The following MAPKBP1 variants were observed in gnomAD, a reference collection of about 807,000 sequenced individuals.
The protein encoded by MAPKBP1 is mitogen-activated protein kinase binding protein 1.
In MAPKBP1, 71 loss-of-function variants were observed where a neutral mutation model predicts 170.5. The observed-to-expected ratio is 0.42, with a 90% CI of 0.34 to 0.51. MAPKBP1 has a LOEUF of 0.51. Ranked by LOEUF, MAPKBP1 falls within the 20% of genes least tolerant of loss-of-function variation. MAPKBP1 has a pLI of 0.06. For synonymous variants in MAPKBP1, 719 were observed against 757.9 expected (o/e 0.95, Z 0.84); for missense variants, 1,598 against 1,933.0 (o/e 0.83, Z 3.25).
chr15:41,816,718 G>A (rs1596091926), intron 13 of MAPKBP1, 68 bp downstream of exon 13: 1 of 1,506,264 alleles, frequency 6.6e-7, no homozygotes, highest in Non-Finnish European at 9.2e-7. Flanking sequence ...ATCTGTCCCG[G>A]CTCTTGGACG....
intron 2 of MAPKBP1, among the ~76,000 whole-genome samples, chr15:41,783,358 G>T (rs2064223290): frequency 6.6e-6 from 1 of 152,184 alleles, no homozygotes; most frequent in Admixed American, 6.5e-5. Flanking sequence ...GGGAAAAAAT[G>T]GACTTAAAAT....
chr15:41,779,986 C>G (rs1459067970), intron 2 of MAPKBP1, among the ~76,000 whole-genome samples: 1 of 152,184 alleles, frequency 6.6e-6, no homozygotes, highest in Non-Finnish European at 1.5e-5. Flanking sequence ...CTGCCCTCAG[C>G]CTTCAAAGTG....
rs2064634648 is a variant in MAPKBP1 at position 41,803,431 on chromosome 15, A to AG, written c.206+3517_206+3518insG. 1.3e-5 allele frequency among the ~76,000 whole-genome samples: 2 copies of AG among 149,394 alleles called. 1 individual carries two copies. Among genetic ancestry groups the AG allele is most frequent in the Non-Finnish European group, 3.0e-5 (2 of 67,530 alleles). On this transcript the variant is annotated intron_variant, in intron 3 of 30. Coordinates refer to ENST00000457542, the MANE Select transcript of MAPKBP1 (RefSeq NM_014994.3). ...TCCATCTCAAAAAAAAAAAAAAAAA[A>AG]AAAAGGTTAAGCAGGCAGGGTGCAG...
chr15:41,823,764 G>T lies in MAPKBP1; in HGVS notation c.3916G>T (p.Ala1306Ser), dbSNP rs755874987. The change falls in exon 29 of 31, where the codon GCA becomes TCA. Residue 1306 changes from alanine (A) to serine (S), a missense_variant. By Grantham distance (99) the Ala-to-Ser change is moderately conservative. Around this residue, in one of 6 missense-constraint regions of MAPKBP1, gnomAD observed 942 missense variants for 953.2 expected, o/e 0.99. Coordinates refer to ENST00000457542, the MANE Select transcript of MAPKBP1 (RefSeq NM_014994.3). ...ACTGCCTGACCGTCCTACCCTGGCT[G>T]CATTCTCTCCTGTCACCAAAGGCCG... The part of the protein sequence containing the change: ...KPLPDRPTLA[A>S]FSPVTKGRAP... The T allele has an allele frequency of 6.2e-7, 1 of 1,614,124 alleles. No homozygotes were observed. The highest frequency in any genetic ancestry group is 1.1e-5 in the South Asian group (1 of 91,070).
At chr15:41,816,448 C>G in intron 12 of MAPKBP1, 111 bp from the exon 13 acceptor site, 1 of 702,018 alleles carries the variant, frequency 1.4e-6, no homozygotes. Flanking sequence ...TTTCTCTAAG[C>G]CTAAAAGTTC....
rs1339621455 is a variant in MAPKBP1, at chr15:41,823,677, TC to T, written c.3830del (p.Ser1277TyrfsTer52). 6.2e-7 allele frequency: 1 copy of T among 1,613,986 alleles called. No homozygotes were observed. The highest frequency in any genetic ancestry group is 8.5e-7 in the Non-Finnish European group (1 of 1,180,024). On this transcript the variant is annotated frameshift_variant, in exon 29 of 31. Transcript: ENST00000457542. LOFTEE classifies it high-confidence loss of function. ...TCAAGCTCATGCCCCCATCCGAGTC[TC>T]ACCACTCAGCAAGCTGGCCCTGCCC... ...EPQAHAPIRV[S>X]PLSKLALPSR... is the part of the protein sequence containing the mutation.
intron 2 of MAPKBP1, among the ~76,000 whole-genome samples, chr15:41,780,131 T>G (rs2064160577): frequency 6.6e-6 from 1 of 152,194 alleles, no homozygotes; most frequent in African/African-American, 2.4e-5. Flanking sequence ...CCTCACTCAT[T>G]TCAAAGTGGA....
chr15:41,813,183 G>T (rs1567149091), intron 8 of MAPKBP1, 82 bp downstream of exon 8: 1 of 1,550,296 alleles, frequency 6.5e-7, no homozygotes. Context: ...TCAGACTAGG[G>T]GCTGGTCCCT....
intron 13 of MAPKBP1, 74 bp from the exon 14 acceptor site, chr15:41,816,836 T>C: frequency 1.9e-6 from 3 of 1,547,704 alleles, no homozygotes; most frequent in Admixed American, 1.8e-5. Flanking sequence ...CTCAGTTCCC[T>C]TGGGGCTCTT....
At chr15:41,801,319 A>G (rs1420686532) in intron 3 of MAPKBP1, among the ~76,000 whole-genome samples, 3 of 152,188 alleles carry the variant, frequency 2.0e-5, no homozygotes, top group African/African-American at 7.2e-5. Flanking sequence ...ACCTCCAACC[A>G]TAGTTTCTTC....
intron 7 of MAPKBP1, 90 bp downstream of exon 7, chr15:41,812,743 C>G (rs1358299199): frequency 1.3e-6 from 2 of 1,495,092 alleles, no homozygotes; most frequent in East Asian, 4.6e-5. Flanking sequence ...TTGGGCCTCT[C>G]TCTGCATTCC....
At position 41,799,923 on chromosome 15, in the gene MAPKBP1, G is replaced by A. The variant is rs546861374; in HGVS notation, c.206+9G>A. The A allele has an allele frequency of 3.1e-6, 5 of 1,613,352 alleles. No individual in the cohort carries two copies. In the South Asian group the frequency reaches 4.4e-5, roughly 14 times the overall value. ...GTTGCTTACCCAGCAGGGTAAGTAA[G>A]CGCCTTGGAAGAGATCTTGATGCAT... On this transcript the variant is annotated intron_variant, in intron 3 of 30. Transcript: ENST00000457542.
chr15:41,816,714 C>A, intron 13 of MAPKBP1, 64 bp downstream of exon 13: 1 of 1,517,268 alleles, frequency 6.6e-7, no homozygotes, highest in Non-Finnish European at 9.1e-7. Flanking sequence ...TTATATCTGT[C>A]CCGGCTCTTG....
In MAPKBP1 at chr15:41,814,561, C is replaced by T. The variant is rs769444197; in HGVS notation, c.992C>T (p.Ser331Phe). ...TCCTCTCCCTACAGTCGCCTCTTCT[C>T]TGGAGTGGCGAATGCCAGGTATCCA... ...ASVTEASRLFSGVANARYPDT... is the reference protein window; with the variant it reads ...ASVTEASRLFFGVANARYPDT... Residue 331 changes from serine (S) to phenylalanine (F), a missense_variant, in exon 10 of 31, where the codon TCT becomes TTT. By Grantham distance (155) the Ser-to-Phe change is radical. Coordinates refer to ENST00000457542, the MANE Select transcript of MAPKBP1 (RefSeq NM_014994.3). 1.9e-6 allele frequency: 3 copies of T among 1,614,110 alleles called. No homozygotes were observed. Among genetic ancestry groups the T allele is most frequent in the Admixed American group, 3.3e-5 (2 of 60,026 alleles).
intron 3 of MAPKBP1, among the ~76,000 whole-genome samples, chr15:41,806,650 G>T (rs149051861): frequency 5.9e-5 from 9 of 152,322 alleles, no homozygotes; most frequent in Non-Finnish European, 1.2e-4. Flanking sequence ...CTGTGAGAGT[G>T]AGCAGCCGCC....
chr15:41,782,150 T>C (rs1319898788), intron 2 of MAPKBP1, among the ~76,000 whole-genome samples: 2 of 148,918 alleles, frequency 1.3e-5, no homozygotes, highest in African/African-American at 5.0e-5. Flanking sequence ...TAGGCCCAGC[T>C]ACTCGCGAGG....
chr15:41,803,456 G>A (rs902922936), intron 3 of MAPKBP1, among the ~76,000 whole-genome samples: 1 of 145,030 alleles, frequency 6.9e-6, no homozygotes, highest in African/African-American at 2.5e-5. Context: ...GCAGGGTGCA[G>A]TGGCTTTGGG....
chr15:41,781,833 A>G (rs1409510565), intron 2 of MAPKBP1, among the ~76,000 whole-genome samples: 1 of 152,038 alleles, frequency 6.6e-6, no homozygotes, highest in African/African-American at 2.4e-5. Flanking sequence ...CTCCTTATTT[A>G]TCACAGTTCT....
intron 2 of MAPKBP1, among the ~76,000 whole-genome samples, chr15:41,779,558 T>C (rs2064150496): frequency 6.6e-6 from 1 of 152,066 alleles, no homozygotes; most frequent in African/African-American, 2.4e-5. Flanking sequence ...TTGCTCAGGC[T>C]GGTCTCAAAC....
Sources: gnomAD v4.1 joint callset for allele counts (sites outside exome capture counted in the v4.1 genomes callset) on GRCh38, gnomAD v4.1.1 for gene constraint, gnomAD v4.1.1 regional missense constraint, MANE v1.5 for transcripts, NCBI Gene and HGNC (gene_info 2026-07-23, HGNC 2026-07-21) for gene names.